The following TP53TG5 variants were observed in gnomAD, a reference collection of about 807,000 sequenced individuals.
TP53TG5 encodes the protein TP53 target 5.
In TP53TG5, 17 loss-of-function variants were observed where a neutral mutation model predicts 30.0. The ratio of observed to expected loss-of-function variants is 0.57; its 90% CI spans 0.39 to 0.85. The LOEUF (loss-of-function observed/expected upper bound fraction) is 0.85. Among genes scored for constraint, TP53TG5 ranks in the 40% least tolerant of loss-of-function variants. TP53TG5 has a pLI of 0.00. For synonymous variants in TP53TG5, 137 were observed against 139.2 expected, an observed-to-expected ratio of 0.98 and a Z score of 0.11; for missense variants, 338 against 367.9, an observed-to-expected ratio of 0.92 and a Z score of 0.67.
chr20:45,377,475 C>A (rs1988766630), intron 2 of TP53TG5, 64 bp downstream of exon 2: 1 of 1,610,172 alleles, frequency 6.2e-7, no homozygotes, highest in Non-Finnish European at 8.5e-7. Flanking sequence ...AGCCTGGCAA[C>A]CAGGGGCAGT....
At chr20:45,376,604 A>G (rs1988741204) in intron 3 of TP53TG5, 1 of 152,184 alleles carries the variant, frequency 6.6e-6, no homozygotes, top group Non-Finnish European at 1.5e-5. Context: ...AATTCTGTCT[A>G]CCTAACAGGA....
Position 45,374,612 on chromosome 20 carries a change from CATAA to C in TP53TG5, c.768+423_768+426del, listed in dbSNP as rs147962067. The C allele has an allele frequency of 1.9e-3, 858 of 453,564 alleles. 5 individuals carry two copies. The highest frequency in any genetic ancestry group is 0.016 in the African/African-American group (785 of 50,382). The allele number at this position is 453,564 out of a possible 1,614,324, so 28.1% of individuals were successfully genotyped here. A position where few individuals can be genotyped will look rare whatever the true frequency, so the allele number is the denominator to read the frequency against. On this transcript the variant is annotated intron_variant, in intron 4 of 4. Coordinates refer to ENST00000372726, the MANE Select transcript of TP53TG5 (RefSeq NM_014477.3). ...TTATTTGAGGCATGAATCAATCAAA[CATAA>C]ATAGAGAGTTGAATTGATCTTAGAG...
rs1988669392 is a variant in TP53TG5, at chr20:45,374,739, G to T, written c.768+300C>A. ...TGTAGGCCTCTGACTGTGAGATTCA[G>T]AGCCACAGCAGTTTCCACCTCTGCT... On this transcript the variant is annotated intron_variant, in intron 4 of 4. Coordinates refer to ENST00000372726, the MANE Select transcript of TP53TG5 (RefSeq NM_014477.3). 11 of 463,382 alleles carry T rather than the reference G, an allele frequency of 2.4e-5. No homozygotes were observed. In the East Asian group the frequency reaches 3.9e-4, roughly 16 times the overall value. 28.7% of individuals were successfully genotyped at this position (463,382 alleles called of 1,614,324 possible). A position where few individuals can be genotyped will look rare whatever the true frequency, so the allele number is the denominator to read the frequency against.
chr20:45,375,032 C>A lies in TP53TG5; in HGVS notation c.768+7G>T. On this transcript the variant is annotated splice_region_variant and intron_variant, in intron 4 of 4. Coordinates refer to ENST00000372726, the MANE Select transcript of TP53TG5 (RefSeq NM_014477.3). ...ACCTAGCCTGGCAGTGTTGTTGTCACACCCACCTTGTATGGATGCCACATA... is the reference window on the plus strand; with the variant it reads ...ACCTAGCCTGGCAGTGTTGTTGTCAAACCCACCTTGTATGGATGCCACATA... 1 of 1,608,958 alleles carries A rather than the reference C, an allele frequency of 6.2e-7. No homozygotes were observed. Among genetic ancestry groups the A allele is most frequent in the Non-Finnish European group, 8.5e-7 (1 of 1,176,146 alleles).
intron 4 of TP53TG5, chr20:45,374,216 G>T (rs1340498457): frequency 8.8e-6 from 6 of 682,016 alleles, no homozygotes; most frequent in African/African-American, 1.8e-5. Context: ...CCACGAAAGG[G>T]CTGCGGTATT....
intron 3 of TP53TG5, chr20:45,376,084 CA>C (rs199567398): frequency 7.3e-5 from 11 of 150,192 alleles, no homozygotes; most frequent in Non-Finnish European, 1.0e-4. Flanking sequence ...TGTCTCCATA[CA>C]AAAAAAAAAT....
chr20:45,374,968 T>C (rs1035592961), intron 4 of TP53TG5, 71 bp downstream of exon 4: 156 of 1,546,134 alleles, frequency 1.0e-4, no homozygotes, highest in Non-Finnish European at 1.3e-4. Flanking sequence ...ACCCTGACTC[T>C]GGGGCCCAGC....
At position 45,375,181 on chromosome 20, in the gene TP53TG5, A is replaced by G; in HGVS notation, c.626T>C (p.Ile209Thr). Reference sequence around the variant, plus strand: ...TCGTGTGGGCAGCCCCTCAAACCAGATCCACTGGTCGGCTACATCCAGCTG... The same window carrying G: ...TCGTGTGGGCAGCCCCTCAAACCAGGTCCACTGGTCGGCTACATCCAGCTG... ...MKQLDVADQWIWFEGLPTRIH... is the reference protein window; with the variant it reads ...MKQLDVADQWTWFEGLPTRIH... Residue 209 changes from isoleucine to threonine, a missense_variant, in exon 4 of 5, where the codon ATC becomes ACC. By Grantham distance (89) the Ile-to-Thr change is moderately conservative (BLOSUM62 -1). Transcript: ENST00000372726. 6.2e-7 allele frequency: 1 copy of G among 1,614,054 alleles called. No homozygotes were observed. Among genetic ancestry groups the G allele is most frequent in the South Asian group, 1.1e-5 (1 of 91,076 alleles).
chr20:45,378,302 C>G lies in TP53TG5; in HGVS notation c.-66G>C. On this transcript the variant is annotated 5_prime_UTR_variant, in exon 1 of 5. Transcript: ENST00000372726. ...AGTGCCAGGCACCAACCCTGTTCCT[C>G]TCAGTTCAGCCAGCACTCAGGCTGG... 1 of 1,611,112 alleles carries G rather than the reference C, an allele frequency of 6.2e-7. No individual in the cohort carries two copies. Among genetic ancestry groups the G allele is most frequent in the Admixed American group, 1.7e-5 (1 of 59,940 alleles).
chr20:45,375,603 C>G, intron 3 of TP53TG5, 51 bp from the exon 4 acceptor site: 1 of 1,551,230 alleles, frequency 6.4e-7, no homozygotes. Flanking sequence ...GGCCCTGGTT[C>G]CCGAGACAGT....
chr20:45,377,369 T>C (rs1290602805), intron 2 of TP53TG5, 27 bp from the exon 3 acceptor site: 6 of 1,613,514 alleles, frequency 3.7e-6, no homozygotes, highest in East Asian at 2.2e-5. Context: ...ACCAGGTAAA[T>C]AGAAGCTTCA....
intron 4 of TP53TG5, 190 bp from the exon 5 acceptor site, chr20:45,374,201 T>G: frequency 1.5e-6 from 1 of 674,280 alleles, no homozygotes; most frequent in Non-Finnish European, 2.7e-6. Flanking sequence ...GGGACTTTCA[T>G]TCTCCCACGA....
chr20:45,374,157 TA>T, intron 4 of TP53TG5, 146 bp from the exon 5 acceptor site: 2 of 726,574 alleles, frequency 2.8e-6, no homozygotes, highest in East Asian at 5.4e-5. Flanking sequence ...CCCTTTAAGC[TA>T]GACCCGGTGG....
chr20:45,377,689 G>C, intron 1 of TP53TG5, 76 bp from the exon 2 acceptor site: 3 of 1,465,446 alleles, frequency 2.0e-6, no homozygotes, highest in Non-Finnish European at 2.8e-6. Flanking sequence ...TGTAATCCCA[G>C]CACTTTGGGA....
chr20:45,374,977 G>A, intron 4 of TP53TG5, 62 bp downstream of exon 4: 2 of 1,563,274 alleles, frequency 1.3e-6, no homozygotes, highest in Non-Finnish European at 8.7e-7. Flanking sequence ...CTGGGGCCCA[G>A]CTCTGGGCCT....
Position 45,377,573 on chromosome 20 carries a change from A to G in TP53TG5, c.89T>C (p.Val30Ala). The change falls in exon 2 of 5, where the codon GTG becomes GCG. Residue 30 changes from valine (V) to alanine (A), a missense_variant. By Grantham distance (64) the Val-to-Ala change is moderately conservative (BLOSUM62 0). Transcript: ENST00000372726. Reference protein sequence around the residue: ...EKLRDETEQPVSKVIERNRLR... With the variant: ...EKLRDETEQPASKVIERNRLR... ...ACGGTTCCGCTCAATTACTTTGCTCACAGGCTGCTCTGTCTCGTCCCGCAG... is the reference window on the plus strand; with the variant it reads ...ACGGTTCCGCTCAATTACTTTGCTCGCAGGCTGCTCTGTCTCGTCCCGCAG... The G allele has an allele frequency of 1.2e-6, 2 of 1,614,144 alleles. No individual in the cohort carries two copies. Among genetic ancestry groups the G allele is most frequent in the Non-Finnish European group, 1.7e-6 (2 of 1,180,020 alleles).
At position 45,375,432 on chromosome 20, in the gene TP53TG5, C is replaced by G. The variant is rs1568922761; in HGVS notation, c.375G>C (p.Glu125Asp). ...LESTGDPKKK[E>D]YKEWKSQVQS... ...GCACCTGGGACTTCCACTCCTTGTA[C>G]TCTTTTTTCTTAGGGTCCCCTGTGG... The change falls in exon 4 of 5, where the codon GAG becomes GAC. Residue 125 changes from glutamate to aspartate, a missense_variant. Glu to Asp is a conservative substitution (Grantham distance 45). Coordinates refer to ENST00000372726, the MANE Select transcript of TP53TG5 (RefSeq NM_014477.3). 6.2e-7 allele frequency: 1 copy of G among 1,614,172 alleles called. No individual in the cohort carries two copies. Among genetic ancestry groups the G allele is most frequent in the Admixed American group, 1.7e-5 (1 of 60,028 alleles).
In TP53TG5 at chr20:45,377,580, G is replaced by A; in HGVS notation, c.82C>T (p.Gln28Ter). ...CGCTCAATTACTTTGCTCACAGGCTGCTCTGTCTCGTCCCGCAGTTTCTCA... is the reference window on the plus strand; with the variant it reads ...CGCTCAATTACTTTGCTCACAGGCTACTCTGTCTCGTCCCGCAGTTTCTCA... ...QDEKLRDETE[Q>*]PVSKVIERNR... Residue 28 changes from glutamine (Q) to a stop codon, truncating the protein, a stop_gained, in exon 2 of 5, where the codon CAG (glutamine) becomes TAG (stop). Transcript: ENST00000372726. LOFTEE classifies it high-confidence loss of function. 2.5e-6 allele frequency: 4 copies of A among 1,614,126 alleles called. No individual in the cohort carries two copies. The highest frequency in any genetic ancestry group is 2.5e-6 in the Non-Finnish European group (3 of 1,180,012).
At chr20:45,378,156 G>A (rs1231065877) in intron 1 of TP53TG5, 33 bp downstream of exon 1, 2 of 1,613,876 alleles carry the variant, frequency 1.2e-6, no homozygotes, top group Non-Finnish European at 1.7e-6. Flanking sequence ...CCCCTCTAGG[G>A]ACTCACCCCC....
Sources: allele counts gnomAD v4.1 joint callset, GRCh38; gene constraint gnomAD v4.1.1; transcripts MANE v1.5; gene names NCBI Gene and HGNC (gene_info 2026-07-23, HGNC 2026-07-21).